TAFA1: variants seen among roughly 807,000 people sequenced by gnomAD.
The protein encoded by TAFA1 is TAFA chemokine like family member 1.
Under a neutral mutation model 18.5 loss-of-function variants are expected in TAFA1, and 4 were observed. That is an observed-to-expected ratio of 0.22 (90% CI 0.11 to 0.49). The LOEUF (loss-of-function observed/expected upper bound fraction) is 0.49. Ranked by LOEUF, TAFA1 falls within the 20% of genes least tolerant of loss-of-function variation. The probability of loss-of-function intolerance (pLI) is 0.98; values close to 1 mark genes in which losing one functional copy is unlikely to be tolerated. For missense variants in TAFA1, 147 were observed against 169.0 expected (o/e 0.87, Z 0.72); for synonymous variants, 56 against 55.2 (o/e 1.01, Z -0.06).
intron 2 of TAFA1, among the ~76,000 whole-genome samples, chr3:68,049,816 A>AT (rs1035688379): frequency 2.6e-5 from 4 of 151,768 alleles, no homozygotes; most frequent in Admixed American, 1.3e-4. Context: ...TTTTCTGCAT[A>AT]TTTTTTTTCC....
intron 2 of TAFA1, among the ~76,000 whole-genome samples, chr3:68,297,053 C>A (rs1356067214): frequency 2.0e-5 from 3 of 151,984 alleles, no homozygotes; most frequent in African/African-American, 7.3e-5. Context: ...GTTCTGAAAC[C>A]CTGAGGTAGA....
At chr3:68,153,600 G>A (rs1465942115) in intron 2 of TAFA1, among the ~76,000 whole-genome samples, 2 of 151,970 alleles carry the variant, frequency 1.3e-5, no homozygotes, top group Non-Finnish European at 2.9e-5. Flanking sequence ...TTTACTTATT[G>A]TAAACTGCCA....
intron 2 of TAFA1, among the ~76,000 whole-genome samples, chr3:68,379,926 C>A (rs1470930747): frequency 4.6e-5 from 7 of 151,832 alleles, no homozygotes; most frequent in Non-Finnish European, 8.8e-5. Flanking sequence ...TTCCCCCCAC[C>A]CCACAACAGT....
intron 2 of TAFA1, among the ~76,000 whole-genome samples, chr3:68,261,427 A>G (rs1001936214): frequency 1.3e-5 from 2 of 152,202 alleles, no homozygotes; most frequent in African/African-American, 4.8e-5. Flanking sequence ...ATATACCCAA[A>G]GGATTATAAA....
chr3:68,225,785 T>G (rs1345395925), intron 2 of TAFA1, among the ~76,000 whole-genome samples: 4 of 152,152 alleles, frequency 2.6e-5, no homozygotes, highest in Non-Finnish European at 5.9e-5. Flanking sequence ...TGGAAAATTG[T>G]GTAATCTTGA....
At chr3:68,381,730 A>G (rs2069961453) in intron 2 of TAFA1, among the ~76,000 whole-genome samples, 1 of 152,162 alleles carries the variant, frequency 6.6e-6, no homozygotes, top group Admixed American at 6.5e-5. Context: ...GGACAATTTG[A>G]CTTCCTCTTT....
At chr3:68,305,517 G>C (rs1436067008) in intron 2 of TAFA1, among the ~76,000 whole-genome samples, 1 of 139,990 alleles carries the variant, frequency 7.1e-6, no homozygotes, top group Non-Finnish European at 1.5e-5. Flanking sequence ...ACCTATAAAG[G>C]CTTAGGGTAA....
At chr3:68,340,406 A>ATGTCCC (rs1215116463) in intron 2 of TAFA1, among the ~76,000 whole-genome samples, 6 of 152,238 alleles carry the variant, frequency 3.9e-5, no homozygotes, top group African/African-American at 1.4e-4. Flanking sequence ...TCATATGTCA[A>ATGTCCC]TATGTCATGT....
At chr3:68,163,037 G>C (rs1215837546) in intron 2 of TAFA1, among the ~76,000 whole-genome samples, 1 of 152,160 alleles carries the variant, frequency 6.6e-6, no homozygotes, top group Non-Finnish European at 1.5e-5. Flanking sequence ...AAATAGTCAA[G>C]ACTTTTAATT....
At chr3:68,135,175 C>A (rs2065592176) in intron 2 of TAFA1, among the ~76,000 whole-genome samples, 1 of 152,166 alleles carries the variant, frequency 6.6e-6, no homozygotes, top group African/African-American at 2.4e-5. Context: ...ACTTACATTC[C>A]ACTGGCCACA....
At chr3:68,049,816 A>T (rs554788426) in intron 2 of TAFA1, among the ~76,000 whole-genome samples, 5 of 151,886 alleles carry the variant, frequency 3.3e-5, no homozygotes, top group Admixed American at 2.0e-4. Flanking sequence ...TTTTCTGCAT[A>T]TTTTTTTTCC....
chr3:68,269,296 C>A (rs1474187519), intron 2 of TAFA1, among the ~76,000 whole-genome samples: 1 of 150,944 alleles, frequency 6.6e-6, no homozygotes, highest in Non-Finnish European at 1.5e-5. Flanking sequence ...TTTACAATTT[C>A]TTTTTTAAAA....
intron 2 of TAFA1, among the ~76,000 whole-genome samples, chr3:68,243,809 C>T (rs974928429): frequency 5.3e-5 from 8 of 151,968 alleles, no homozygotes; most frequent in African/African-American, 1.7e-4. Context: ...CCACAGTGTG[C>T]GATTTCTGGG....
At chr3:68,200,980 T>C (rs2066463383) in intron 2 of TAFA1, among the ~76,000 whole-genome samples, 2 of 151,686 alleles carry the variant, frequency 1.3e-5, no homozygotes, top group South Asian at 2.1e-4. Flanking sequence ...AATTTTCTAA[T>C]ATATACATTC....
At chr3:68,090,516 T>C (rs1353446964) in intron 2 of TAFA1, among the ~76,000 whole-genome samples, 2 of 152,182 alleles carry the variant, frequency 1.3e-5, no homozygotes, top group African/African-American at 4.8e-5. Flanking sequence ...TACCCCATGT[T>C]GTTCCCCTCC....
At chr3:68,358,173 A>G (rs262241) in intron 2 of TAFA1, among the ~76,000 whole-genome samples, 74,308 of 151,672 alleles carry the variant, frequency 0.49, 18,682 homozygotes, top group East Asian at 0.73. Flanking sequence ...ATTTTCAGAC[A>G]TTTTTCTATG....
intron 2 of TAFA1, among the ~76,000 whole-genome samples, chr3:68,054,279 G>T (rs1200356820): frequency 1.3e-5 from 2 of 152,074 alleles, no homozygotes; most frequent in African/African-American, 2.4e-5. Context: ...GGTCAGGGGA[G>T]TAGGGAGGGT....
intron 2 of TAFA1, among the ~76,000 whole-genome samples, chr3:68,349,861 T>A (rs912673269): frequency 1.3e-5 from 2 of 152,080 alleles, no homozygotes; most frequent in African/African-American, 4.8e-5. Context: ...AAGATCAGCA[T>A]CTCTGGGTCC....
At chr3:68,075,682 A>G (rs376812549) in intron 2 of TAFA1, among the ~76,000 whole-genome samples, 1 of 148,970 alleles carries the variant, frequency 6.7e-6, no homozygotes, top group Non-Finnish European at 1.5e-5. Context: ...AAGAACGACT[A>G]TCTTTTCTTC....
Sources: allele counts gnomAD v4.1 joint callset (sites outside exome capture counted in the v4.1 genomes callset), GRCh38; gene constraint gnomAD v4.1.1; transcripts MANE v1.5; gene names NCBI Gene and HGNC (gene_info 2026-07-23, HGNC 2026-07-21).